The following NLRP2 variants were observed in gnomAD, a reference collection of about 807,000 sequenced individuals.
NLRP2 encodes the protein NACHT, LRR and PYD domains-containing protein 2.
Under a neutral mutation model 97.2 loss-of-function variants are expected in NLRP2, and 107 were observed. That is an observed-to-expected ratio of 1.10 (90% CI 0.94 to 1.29). The LOEUF (loss-of-function observed/expected upper bound fraction) is 1.29, where lower values mean the gene tolerates loss of function less well. Among genes scored for constraint, NLRP2 ranks in the 50% most tolerant of loss-of-function variants. The pLI, the probability that NLRP2 is intolerant of heterozygous loss-of-function variation, is 0.00. For synonymous variants in NLRP2, 663 were observed against 551.5 expected, an observed-to-expected ratio of 1.20 and a Z score of -2.83; for missense variants, 1,495 against 1,330.3, an observed-to-expected ratio of 1.12 and a Z score of -1.93.
At chr19:54,981,827 GGA>G in intron 5 of NLRP2, 145 bp downstream of exon 5, 1 of 719,292 alleles carries the variant, frequency 1.4e-6, no homozygotes, top group South Asian at 1.5e-5. Flanking sequence ...TGCCCAGGCT[GGA>G]GTGCCGTGGC....
intron 12 of NLRP2, among the ~76,000 whole-genome samples, chr19:54,999,563 A>G (rs1487676330): frequency 6.6e-6 from 1 of 151,936 alleles, no homozygotes; most frequent in Admixed American, 6.6e-5. Context: ...CAGCAATTCC[A>G]TTTTCTGTGT....
chr19:54,974,965 A>G (rs1271880850), intron 3 of NLRP2, among the ~76,000 whole-genome samples: 2 of 151,534 alleles, frequency 1.3e-5, no homozygotes, highest in African/African-American at 4.8e-5. Flanking sequence ...AGGCCCGGCT[A>G]ATTTTTTGTG....
chr19:54,973,860 G>T (rs2071028674), intron 2 of NLRP2: 1 of 641,126 alleles, frequency 1.6e-6, no homozygotes, highest in African/African-American at 1.8e-5. Flanking sequence ...TGTAAGAAGT[G>T]TGGCAAGCAC....
chr19:54,978,315 A>T (rs2071376014), intron 4 of NLRP2, among the ~76,000 whole-genome samples: 1 of 147,444 alleles, frequency 6.8e-6, no homozygotes, highest in Non-Finnish European at 1.5e-5. Flanking sequence ...GTTCACTGCA[A>T]CCTCCGCCTC....
In NLRP2 at chr19:54,997,422, G is replaced by T. The variant is rs143942772; in HGVS notation, c.2985G>T (p.Gly995=). ...VTLDLGQNPL[G]SSGVKMLFET... ...TGGACCTGGGTCAGAATCCCTTGGG[G>T]TCTAGTGGAGTGAAGATGCTGTTTG... The change falls in exon 12 of 13, where the codon GGG becomes GGT. Residue 995 remains glycine, a synonymous_variant. Coordinates refer to ENST00000448584, the MANE Select transcript of NLRP2 (RefSeq NM_017852.5). 6.2e-7 allele frequency: 1 copy of T among 1,614,198 alleles called. No individual in the cohort carries two copies. Among genetic ancestry groups the T allele is most frequent in the African/African-American group, 1.3e-5 (1 of 75,042 alleles).
In NLRP2 at chr19:54,997,379, A is replaced by G. The variant is rs1422573843; in HGVS notation, c.2942A>G (p.Asn981Ser). 6.2e-7 allele frequency: 1 copy of G among 1,614,016 alleles called. No homozygotes were observed. Among genetic ancestry groups the G allele is most frequent in the Non-Finnish European group, 8.5e-7 (1 of 1,179,978 alleles). ...GACCTCTGCTCTGCCCTCAGCTGCA[A>G]CCAGAGCCTCGTCACTCTGGACCTG... ...CEDLCSALSC[N>S]QSLVTLDLGQ... The change falls in exon 12 of 13, where the codon AAC becomes AGC. Residue 981 changes from asparagine (N) to serine (S), a missense_variant. Physicochemically the swap from Asn to Ser is conservative, Grantham distance 46. Transcript: ENST00000448584.
intron 7 of NLRP2, 65 bp downstream of exon 7, chr19:54,985,282 G>A (rs2071981731): frequency 1.1e-5 from 16 of 1,472,838 alleles, no homozygotes; most frequent in East Asian, 2.3e-5. Flanking sequence ...TGTTAACATC[G>A]GAGCAATATT....
At chr19:54,994,105 T>G in intron 10 of NLRP2, 164 bp from the exon 11 acceptor site, 1 of 768,490 alleles carries the variant, frequency 1.3e-6, no homozygotes, top group Non-Finnish European at 2.3e-6. Context: ...TTGGACATCT[T>G]TAGGGGAGGC....
intron 1 of NLRP2, among the ~76,000 whole-genome samples, chr19:54,966,825 C>CTTTTTTTTTTTT (rs1044701142): frequency 1.3e-4 from 10 of 74,990 alleles, no homozygotes; most frequent in Non-Finnish European, 1.7e-4. Flanking sequence ...CGCGCCCAGC[C>CTTTTTTTTTTTT]TTTTTTTTTT....
intron 10 of NLRP2, 150 bp from the exon 11 acceptor site, chr19:54,994,119 T>G (rs2072660623): frequency 1.2e-6 from 1 of 850,612 alleles, no homozygotes; most frequent in Non-Finnish European, 2.0e-6. Flanking sequence ...GGGAGGCCAT[T>G]CTTCTGTCCA....
chr19:54,973,160 C>T (rs977321565), intron 2 of NLRP2, among the ~76,000 whole-genome samples: 3 of 150,718 alleles, frequency 2.0e-5, no homozygotes, highest in Non-Finnish European at 1.5e-5. Flanking sequence ...CACTGCGCTC[C>T]AGCCTGGGTG....
intron 2 of NLRP2, chr19:54,973,801 T>C (rs1398980468): frequency 1.0e-5 from 6 of 593,004 alleles, no homozygotes; most frequent in Non-Finnish European, 2.0e-5. Context: ...TCCATGCCAA[T>C]AGCGCTCACA....
At position 54,980,202 on chromosome 19, in the gene NLRP2, GTTTTGT is replaced by G. The variant is rs1171984177; in HGVS notation, c.398-1410_398-1405del. Among the ~76,000 whole-genome samples the G allele has an allele frequency of 1.7e-3, 174 of 103,872 alleles. 1 individual carries two copies. Among genetic ancestry groups the G allele is most frequent in the African/African-American group, 5.5e-3 (151 of 27,582 alleles). 68.1% of individuals were successfully genotyped at this position (103,872 alleles called of 152,430 possible). On this transcript the variant is annotated intron_variant, in intron 4 of 12. Coordinates refer to ENST00000448584, the MANE Select transcript of NLRP2 (RefSeq NM_017852.5). ...GGCATGGCAGGTAAAGAAATGTTTTGTTTTGTTTTTTTTTTTGAGACAGTCTTGCTC... is the reference window on the plus strand; with the variant it reads ...GGCATGGCAGGTAAAGAAATGTTTTGTTTTTTTTTTGAGACAGTCTTGCTC...
intron 2 of NLRP2, among the ~76,000 whole-genome samples, chr19:54,973,344 G>A (rs1269675377): frequency 1.1e-5 from 1 of 92,554 alleles, no homozygotes; most frequent in South Asian, 3.7e-4. Context: ...ATGGGTGAGG[G>A]TTTTTTTTTT....
intron 11 of NLRP2, among the ~76,000 whole-genome samples, 174 bp from the exon 12 acceptor site, chr19:54,997,143 G>GATCC (rs1330058451): frequency 3.3e-5 from 5 of 152,194 alleles, no homozygotes; most frequent in Non-Finnish European, 7.3e-5. Flanking sequence ...GACCTCAGGT[G>GATCC]ATCCATCCAC....
rs928007882 is a variant in NLRP2 at position 54,983,862 on chromosome 19, T to C, written c.2030+134T>C. On this transcript the variant is annotated intron_variant, in intron 6 of 12. Coordinates refer to ENST00000448584, the MANE Select transcript of NLRP2 (RefSeq NM_017852.5). ...CTCTTGTTGGACTCTTTGTTTGTTT[T>C]TGTTTTGAGATGGAGTCTTGCTCTG... The C allele has an allele frequency of 5.9e-6, 8 of 1,348,156 alleles. 1 individual carries two copies. In the South Asian group the frequency reaches 9.5e-5, roughly 16 times the overall value. The allele number at this position is 1,348,156 out of a possible 1,614,324, so 83.5% of individuals were successfully genotyped here.
intron 10 of NLRP2, among the ~76,000 whole-genome samples, chr19:54,992,461 C>T (rs1417592286): frequency 2.1e-5 from 3 of 145,368 alleles, no homozygotes; most frequent in African/African-American, 7.8e-5. Flanking sequence ...CACCGACTCA[C>T]TAACTGTATC....
rs1043673 is a variant in NLRP2, at chr19:55,000,864, C to A, written c.3155C>A (p.Ala1052Glu). The change falls in exon 13 of 13, where the codon GCA becomes GAA. Residue 1052 changes from alanine to glutamate, a missense_variant. Coordinates refer to ENST00000448584, the MANE Select transcript of NLRP2 (RefSeq NM_017852.5). The part of the protein sequence containing the change: ...IIDTEKHHPW[A>E]ERPSSHDFMI ...GATACTGAGAAACATCATCCCTGGG[C>A]AGAAAGGCCTTCTTCTCATGACTTC... 625,412 of 1,610,266 alleles carry A rather than the reference C, an allele frequency of 0.39. 123,608 individuals are homozygous for A. Among genetic ancestry groups the A allele is most frequent in the Middle Eastern group, 0.44 (2,628 of 6,040 alleles).
chr19:54,999,990 C>G (rs2073087385), intron 12 of NLRP2, among the ~76,000 whole-genome samples: 2 of 151,590 alleles, frequency 1.3e-5, no homozygotes, highest in Admixed American at 6.6e-5. Flanking sequence ...GCCCACCTCA[C>G]TCTCCCAAAG....
Sources: gnomAD v4.1 joint callset for allele counts (sites outside exome capture counted in the v4.1 genomes callset) on GRCh38, gnomAD v4.1.1 for gene constraint, MANE v1.5 for transcripts, NCBI Gene and HGNC (gene_info 2026-07-23, HGNC 2026-07-21) for gene names.